Variants in CAMTA1 observed in about 807,000 individuals in gnomAD.
CAMTA1 encodes calmodulin-binding transcription activator 1.
CAMTA1 carries 27 observed loss-of-function variants against 170.9 expected under a neutral mutation model. That is an observed-to-expected ratio of 0.16 (90% CI 0.12 to 0.22). The LOEUF (loss-of-function observed/expected upper bound fraction) is 0.22, where lower values mean the gene tolerates loss of function less well. CAMTA1 is among the 10% of genes least tolerant of loss of function. The probability of loss-of-function intolerance (pLI) is 1.00; values close to 1 mark genes in which losing one functional copy is unlikely to be tolerated. For missense variants in CAMTA1, 1,619 were observed against 2,217.2 expected (o/e 0.73, Z 5.42); for synonymous variants, 833 against 891.5 (o/e 0.93, Z 1.17).
chr1:7,219,934 G>C (rs1431198884), intron 4 of CAMTA1, among the ~76,000 whole-genome samples: 3 of 152,206 alleles, frequency 2.0e-5, no homozygotes, highest in Non-Finnish European at 4.4e-5. Context: ...TGAGGACACA[G>C]TGAGAAGGTG....
intron 3 of CAMTA1, among the ~76,000 whole-genome samples, chr1:6,926,438 CTCTTTCTTTCTTTCTTTCTTTCTT>C (rs70984040): frequency 0.014 from 1,717 of 126,178 alleles, 32 homozygotes; most frequent in African/African-American, 0.047. Context: ...TCTTTCTTTT[CTCTTTCTTTCTTTCTTTCTTTCTT>C]TCTTTCTTTC....
At chr1:7,088,760 G>C (rs1641079964) in intron 3 of CAMTA1, among the ~76,000 whole-genome samples, 1 of 152,136 alleles carries the variant, frequency 6.6e-6, no homozygotes, top group African/African-American at 2.4e-5. Context: ...TCCTGAGCAG[G>C]GGCATGGATC....
intron 5 of CAMTA1, among the ~76,000 whole-genome samples, chr1:7,272,761 G>GA (rs1181633254): frequency 8.3e-6 from 1 of 120,028 alleles, no homozygotes; most frequent in East Asian, 2.7e-4. Flanking sequence ...ATACCATACA[G>GA]AAAAAATAAT....
intron 6 of CAMTA1, among the ~76,000 whole-genome samples, chr1:7,512,062 A>G (rs1012829450): frequency 3.9e-5 from 6 of 152,256 alleles, no homozygotes; most frequent in African/African-American, 1.4e-4. Flanking sequence ...GCTGCCTGGA[A>G]GGAACTGAGG....
Position 7,562,966 on chromosome 1 carries a change from G to A in CAMTA1, c.511-77434G>A, listed in dbSNP as rs2094979862. Among the ~76,000 whole-genome samples, 2 of 152,182 alleles carry A rather than the reference G, an allele frequency of 1.3e-5. No individual in the cohort carries two copies. The highest frequency in any genetic ancestry group is 1.3e-4 in the Admixed American group (2 of 15,284). On this transcript the variant is annotated intron_variant, in intron 6 of 22. Transcript: ENST00000303635. The surrounding 1 kb of genome is among the most constrained non-coding windows in gnomAD (Gnocchi z 4.8). The stretch of plus-strand genomic sequence containing the variant: ...TGGTCCTTGAATCTGGATTTGGTTG[G>A]GGGCTGTGAGGCCCATCACAGAGGT...
intron 5 of CAMTA1, among the ~76,000 whole-genome samples, chr1:7,317,210 C>T (rs571155521): frequency 6.6e-5 from 10 of 152,274 alleles, no homozygotes; most frequent in East Asian, 5.8e-4. Flanking sequence ...GAGGCCAGGG[C>T]GAATCCCCAG....
In CAMTA1 at chr1:6,825,174, T is replaced by C. The variant is rs141738594; in HGVS notation, c.198T>C (p.Ser66=). ...TTGAATGTCTGCCGAAATGTTCAAG[T>C]TTACCAAAAGAGAGGCACCGCTGGA... The part of the protein sequence containing the change: ...KLLECLPKCS[S]LPKERHRWNT... The change falls in exon 3 of 23, where the codon AGT becomes AGC. Residue 66 remains serine, a synonymous_variant. Transcript: ENST00000303635. 280 of 1,610,500 alleles carry C rather than the reference T, an allele frequency of 1.7e-4. 2 individuals are homozygous for C. The African/African-American group carries it at 3.0e-3, about 17-fold the overall frequency.
At chr1:6,848,383 A>G (rs1659126104) in intron 3 of CAMTA1, among the ~76,000 whole-genome samples, 2 of 152,150 alleles carry the variant, frequency 1.3e-5, no homozygotes, top group Admixed American at 1.3e-4. Context: ...TCCTAGTCTC[A>G]AGTGGTCCTC....
At chr1:7,603,703 G>T (rs998653004) in intron 6 of CAMTA1, among the ~76,000 whole-genome samples, 2 of 152,144 alleles carry the variant, frequency 1.3e-5, no homozygotes, top group Non-Finnish European at 2.9e-5. Context: ...ATATTATTAT[G>T]TGTGAATTTG....
At position 7,173,833 on chromosome 1, in the gene CAMTA1, C is replaced by G. The variant is rs1650181029; in HGVS notation, c.303-75658C>G. Among the ~76,000 whole-genome samples, 1 of 151,992 alleles carries G rather than the reference C, an allele frequency of 6.6e-6. No homozygotes were observed. The highest frequency in any genetic ancestry group is 2.1e-4 in the South Asian group (1 of 4,816). ...CTCAACATGGCTCAGTGGACTGGAC[C>G]CCAGCAGAACTTAGCAGAACCCAAA... On this transcript the variant is annotated intron_variant, in intron 4 of 22. Coordinates refer to ENST00000303635, the MANE Select transcript of CAMTA1 (RefSeq NM_015215.4). The surrounding 1 kb of genome is among the most constrained non-coding windows in gnomAD (Gnocchi z 5.4).
intron 6 of CAMTA1, among the ~76,000 whole-genome samples, chr1:7,469,184 G>A (rs732401): frequency 0.036 from 5,469 of 152,284 alleles, 286 homozygotes; most frequent in East Asian, 0.13. Flanking sequence ...CCTGTCATCA[G>A]TTTCCCTGGC....
At chr1:7,053,594 C>T (rs950169224) in intron 3 of CAMTA1, among the ~76,000 whole-genome samples, 7 of 152,206 alleles carry the variant, frequency 4.6e-5, no homozygotes, top group South Asian at 2.1e-4. Flanking sequence ...CACCCCCACC[C>T]GCCAGGGCCC....
chr1:7,343,322 C>T (rs1001440794), intron 5 of CAMTA1, among the ~76,000 whole-genome samples: 7 of 152,102 alleles, frequency 4.6e-5, no homozygotes, highest in Non-Finnish European at 7.4e-5. Context: ...TCATGGCACA[C>T]GGGTGATTGA....
chr1:7,451,073 A>G (rs919447661), intron 5 of CAMTA1, among the ~76,000 whole-genome samples: 5 of 152,140 alleles, frequency 3.3e-5, no homozygotes, highest in Non-Finnish European at 7.4e-5. Context: ...ACTTATGTAC[A>G]TGTTGCTGAG....
At chr1:7,369,953 T>G (rs1190621743) in intron 5 of CAMTA1, 4 of 152,308 alleles carry the variant, frequency 2.6e-5, no homozygotes, top group Admixed American at 2.6e-4. Flanking sequence ...TCGGGCTTAT[T>G]CCCTGATAGA....
At position 7,633,889 on chromosome 1, in the gene CAMTA1, G is replaced by A. The variant is rs2095689696; in HGVS notation, c.511-6511G>A. On this transcript the variant is annotated intron_variant, in intron 6 of 22. Transcript: ENST00000303635. The surrounding 1 kb of genome is among the most constrained non-coding windows in gnomAD (Gnocchi z 4.1). Reference sequence around the variant, plus strand: ...TGTTGTCAACGGGGTTGCTGAATGAGGTTTCCACAAGAAAGTGACCTGGGA... The same window carrying A: ...TGTTGTCAACGGGGTTGCTGAATGAAGTTTCCACAAGAAAGTGACCTGGGA... 6.6e-6 allele frequency among the ~76,000 whole-genome samples: 1 copy of A among 152,236 alleles called. No homozygotes were observed. Among genetic ancestry groups the A allele is most frequent in the Non-Finnish European group, 1.5e-5 (1 of 68,048 alleles).
rs530477448 is a variant in CAMTA1, at chr1:6,876,609, C to T, written c.234+51399C>T. Among the ~76,000 whole-genome samples the T allele has an allele frequency of 7.0e-4, 106 of 152,240 alleles. 3 individuals carry two copies. The South Asian group carries it at 0.021, about 30-fold the overall frequency. On this transcript the variant is annotated intron_variant, in intron 3 of 22. Transcript: ENST00000303635. Reference sequence around the variant, plus strand: ...AACTCCTGACCTCAGGTGATCCACCCGCCTCGGCCTCCTAGAGTGCTGGGA... The same window carrying T: ...AACTCCTGACCTCAGGTGATCCACCTGCCTCGGCCTCCTAGAGTGCTGGGA...
chr1:7,727,769 C>T (rs773249888), intron 11 of CAMTA1, among the ~76,000 whole-genome samples: 1 of 152,180 alleles, frequency 6.6e-6, no homozygotes, highest in Non-Finnish European at 1.5e-5. Flanking sequence ...CCAAAACAAG[C>T]GTAAAGGCGT....
chr1:7,437,169 C>T (rs1049504212), intron 5 of CAMTA1, among the ~76,000 whole-genome samples: 8 of 152,128 alleles, frequency 5.3e-5, no homozygotes, highest in Admixed American at 2.6e-4. Flanking sequence ...GCCTGGATGC[C>T]GGAGGCAGGT....
Sources: gnomAD v4.1 joint callset for allele counts (sites outside exome capture counted in the v4.1 genomes callset) on GRCh38, gnomAD v4.1.1 for gene constraint, Gnocchi (gnomAD v3.1) non-coding constraint, MANE v1.5 for transcripts, NCBI Gene and HGNC (gene_info 2026-07-23, HGNC 2026-07-21) for gene names.